Variants in LNX1 observed in about 807,000 individuals in gnomAD.
LNX1 encodes the protein ligand of numb-protein X 1.
In LNX1, 54 loss-of-function variants were observed where a neutral mutation model predicts 68.4. The observed-to-expected ratio is 0.79, with a 90% CI of 0.63 to 0.99. LNX1 has a LOEUF of 0.99. Among genes scored for constraint, LNX1 ranks in the 50% least tolerant of loss-of-function variants. The probability of loss-of-function intolerance (pLI) is 0.00; values close to 1 mark genes in which losing one functional copy is unlikely to be tolerated. For synonymous variants in LNX1, 336 were observed against 350.0 expected (o/e 0.96, Z 0.45); for missense variants, 906 against 926.4 (o/e 0.98, Z 0.29).
chr4:53,531,238 G>A (rs1728001159), intron 2 of LNX1, among the ~76,000 whole-genome samples: 2 of 152,192 alleles, frequency 1.3e-5, no homozygotes, highest in Non-Finnish European at 2.9e-5. Context: ...GACATGAGGT[G>A]GGGAAAGAAC....
intron 4 of LNX1, among the ~76,000 whole-genome samples, chr4:53,500,829 T>A (rs962538209): frequency 6.6e-6 from 1 of 152,206 alleles, no homozygotes; most frequent in African/African-American, 2.4e-5. Context: ...TGCTAGAACA[T>A]GTCTGGTATA....
chr4:53,534,592 T>C (rs1011163744), intron 2 of LNX1, among the ~76,000 whole-genome samples: 1 of 152,178 alleles, frequency 6.6e-6, no homozygotes, highest in Non-Finnish European at 1.5e-5. Flanking sequence ...CAAAGAGCTA[T>C]GGTCACACCA....
chr4:53,471,122 G>A (rs1579361731), intron 9 of LNX1, among the ~76,000 whole-genome samples: 1 of 139,996 alleles, frequency 7.1e-6, no homozygotes, highest in Admixed American at 7.3e-5. Flanking sequence ...AAAACAGCAT[G>A]GTACTGGTAC....
intron 2 of LNX1, among the ~76,000 whole-genome samples, chr4:53,516,310 G>C (rs1478293646): frequency 6.6e-6 from 1 of 152,066 alleles, no homozygotes; most frequent in Non-Finnish European, 1.5e-5. Flanking sequence ...TCAGTAATCA[G>C]TAACTAGCAT....
At chr4:53,575,740 G>A (rs1274194778) in intron 1 of LNX1, 2 of 1,542,778 alleles carry the variant, frequency 1.3e-6, no homozygotes, top group East Asian at 2.2e-5. Flanking sequence ...CCACAGCTCT[G>A]TATTGCATCA....
At chr4:53,537,985 A>G (rs1237670114) in intron 2 of LNX1, among the ~76,000 whole-genome samples, 1 of 152,214 alleles carries the variant, frequency 6.6e-6, no homozygotes, top group East Asian at 1.9e-4. Context: ...ACTGTCAATA[A>G]TTGCTTCTCT....
chr4:53,478,477 T>C, intron 8 of LNX1, 88 bp downstream of exon 8: 2 of 1,206,286 alleles, frequency 1.7e-6, no homozygotes, highest in African/African-American at 1.5e-5. Context: ...CATTCTCTCA[T>C]TAATTTTGAA....
intron 2 of LNX1, among the ~76,000 whole-genome samples, chr4:53,569,014 G>A (rs1434179393): frequency 6.7e-6 from 1 of 149,538 alleles, no homozygotes; most frequent in Admixed American, 6.7e-5. Flanking sequence ...AATAAAAGAG[G>A]ATACAAACAA....
chr4:53,590,584 G>C (rs1333061504), intron 1 of LNX1, among the ~76,000 whole-genome samples: 1 of 152,106 alleles, frequency 6.6e-6, no homozygotes, highest in Non-Finnish European at 1.5e-5. Flanking sequence ...TTAAAAGCCA[G>C]GTCCTGGCAG....
chr4:53,564,319 C>T (rs2099453), intron 2 of LNX1, among the ~76,000 whole-genome samples: 90,900 of 151,938 alleles, frequency 0.6, 27,488 homozygotes, highest in Non-Finnish European at 0.63. Context: ...GTTCCAACAG[C>T]CACCTGCTAG....
rs780790235 is a variant in LNX1 at position 53,478,612 on chromosome 4, C to T, written c.1616G>A (p.Ser539Asn). 1.9e-6 allele frequency: 3 copies of T among 1,614,076 alleles called. No individual in the cohort carries two copies. Among genetic ancestry groups the T allele is most frequent in the Admixed American group, 3.3e-5 (2 of 60,028 alleles). The change falls in exon 8 of 11, where the codon AGT (serine) becomes AAT (asparagine). Residue 539 changes from serine (S) to asparagine (N), a missense_variant. By Grantham distance (46) the Ser-to-Asn change is conservative (BLOSUM62 1). Coordinates refer to ENST00000263925, the MANE Select transcript of LNX1 (RefSeq NM_001126328.3). ...REWDLPIYVI[S>N]VEPGGVISRD... Reference sequence around the variant, plus strand: ...GCTTATGACTCCTCCGGGCTCAACACTGATGACATAGATAGGCAAATCCCA... The same window carrying T: ...GCTTATGACTCCTCCGGGCTCAACATTGATGACATAGATAGGCAAATCCCA...
At chr4:53,506,237 A>G (rs913045337) in intron 4 of LNX1, among the ~76,000 whole-genome samples, 2 of 152,188 alleles carry the variant, frequency 1.3e-5, no homozygotes, top group African/African-American at 4.8e-5. Flanking sequence ...CCGTTTTCTC[A>G]TCTGTAAAAT....
chr4:53,573,047 T>C (rs1274612846), intron 2 of LNX1, among the ~76,000 whole-genome samples: 1 of 152,252 alleles, frequency 6.6e-6, no homozygotes, highest in Non-Finnish European at 1.5e-5. Flanking sequence ...GAAATCCTTT[T>C]GAGGCCCATA....
chr4:53,608,748 G>A (rs1165177121), intron 2 of LNX1, among the ~76,000 whole-genome samples: 1 of 152,074 alleles, frequency 6.6e-6, no homozygotes, highest in African/African-American at 2.4e-5. Context: ...AAAAAAATGT[G>A]GTGCATATTC....
At chr4:53,625,674 G>A (rs1005154616) in intron 1 of LNX1, among the ~76,000 whole-genome samples, 2 of 152,134 alleles carry the variant, frequency 1.3e-5, no homozygotes, top group African/African-American at 4.8e-5. Context: ...GGGTGTGATG[G>A]CATGCACTTG....
upstream of LNX1, among the ~76,000 whole-genome samples, chr4:53,619,783 G>C (rs1037832591): frequency 6.6e-6 from 1 of 152,182 alleles, no homozygotes; most frequent in Admixed American, 6.5e-5. Context: ...TCGATGAACT[G>C]TCAAACTGTT....
At chr4:53,606,280 A>C (rs1328119627) in intron 2 of LNX1, among the ~76,000 whole-genome samples, 2 of 152,002 alleles carry the variant, frequency 1.3e-5, no homozygotes, top group African/African-American at 4.8e-5. Flanking sequence ...AAATATAAAA[A>C]ACCCTCAGAA....
chr4:53,475,822 G>A (rs1287601291), intron 9 of LNX1, among the ~76,000 whole-genome samples: 2 of 152,254 alleles, frequency 1.3e-5, no homozygotes, highest in East Asian at 1.9e-4. Flanking sequence ...TCACTGTAAG[G>A]CTCTAAAATG....
At chr4:53,627,821 G>A (rs1301485173) in intron 1 of LNX1, among the ~76,000 whole-genome samples, 1 of 152,156 alleles carries the variant, frequency 6.6e-6, no homozygotes, top group Non-Finnish European at 1.5e-5. Context: ...TTGAGTTAGA[G>A]CAGAAACCCT....
Sources: gnomAD v4.1 joint callset for allele counts (sites outside exome capture counted in the v4.1 genomes callset) on GRCh38, gnomAD v4.1.1 for gene constraint, MANE v1.5 for transcripts, NCBI Gene and HGNC (gene_info 2026-07-23, HGNC 2026-07-21) for gene names.